Variants in SPAG16 observed in about 807,000 individuals in gnomAD.
SPAG16 encodes sperm-associated antigen 16 protein.
Under a neutral mutation model 80.4 loss-of-function variants are expected in SPAG16, and 86 were observed. That is an observed-to-expected ratio of 1.07 (90% CI 0.90 to 1.28). SPAG16 has a LOEUF of 1.28. SPAG16 is among the 50% of genes most tolerant of loss of function. The pLI is 0.00. For missense variants in SPAG16, 870 were observed against 765.3 expected, an observed-to-expected ratio of 1.14 and a Z score of -1.61; for synonymous variants, 294 against 265.9, an observed-to-expected ratio of 1.11 and a Z score of -1.03.
intron 10 of SPAG16, among the ~76,000 whole-genome samples, chr2:213,828,956 CACT>C (rs2073461022): frequency 6.6e-6 from 1 of 152,184 alleles, no homozygotes; most frequent in African/African-American, 2.4e-5. Context: ...TGGCTACCAC[CACT>C]GAGACTGCAC....
At chr2:213,446,030 T>C (rs1464192545) in intron 9 of SPAG16, among the ~76,000 whole-genome samples, 1 of 152,078 alleles carries the variant, frequency 6.6e-6, no homozygotes, top group East Asian at 1.9e-4. Context: ...GCCAATCAAC[T>C]AAATCCAACT....
At chr2:214,405,324 A>T (rs1488578836) in intron 15 of SPAG16, among the ~76,000 whole-genome samples, 1 of 152,086 alleles carries the variant, frequency 6.6e-6, no homozygotes, top group African/African-American at 2.4e-5. Context: ...ATGGAGTCTC[A>T]CTATGTTGTC....
At chr2:213,966,037 C>G (rs1465945770) in intron 12 of SPAG16, among the ~76,000 whole-genome samples, 1 of 152,152 alleles carries the variant, frequency 6.6e-6, no homozygotes, top group Non-Finnish European at 1.5e-5. Context: ...AGAAAGGAAG[C>G]CTGAGATCTG....
intron 15 of SPAG16, among the ~76,000 whole-genome samples, chr2:214,377,567 G>A (rs186278074): frequency 1.3e-5 from 2 of 152,178 alleles, no homozygotes; most frequent in East Asian, 3.9e-4. Flanking sequence ...ACAGTATTTA[G>A]GACATATAAC....
chr2:213,422,374 T>C, intron 9 of SPAG16: 1 of 673,684 alleles, frequency 1.5e-6, no homozygotes, highest in Non-Finnish European at 2.7e-6. Context: ...TGGAGCTGCC[T>C]GCCCCACTGC....
chr2:213,729,754 T>C (rs1485808113), intron 10 of SPAG16, among the ~76,000 whole-genome samples: 5 of 152,212 alleles, frequency 3.3e-5, no homozygotes, highest in Admixed American at 1.3e-4. Flanking sequence ...TATTTGGGAA[T>C]GGCAAGCAAA....
In SPAG16 at chr2:214,283,756, G is replaced by A. The variant is rs1463573763; in HGVS notation, c.1721-126384G>A. Among the ~76,000 whole-genome samples, 8 of 152,170 alleles carry A rather than the reference G, an allele frequency of 5.3e-5. No individual in the cohort carries two copies. The East Asian group carries it at 1.5e-3, about 29-fold the overall frequency. On this transcript the variant is annotated intron_variant, in intron 15 of 15. Transcript: ENST00000331683. ...CTGTTTAATGAGCAAATTGCTTTAA[G>A]TACACATATAACACTGCGGCATTAA...
chr2:214,157,978 C>T (rs1416432159), intron 15 of SPAG16, among the ~76,000 whole-genome samples: 1 of 151,912 alleles, frequency 6.6e-6, no homozygotes, highest in Admixed American at 6.6e-5. Flanking sequence ...TCAGAAACAT[C>T]GAGAAATTAT....
At chr2:213,640,225 T>C (rs1328891006) in intron 10 of SPAG16, among the ~76,000 whole-genome samples, 1 of 152,204 alleles carries the variant, frequency 6.6e-6, no homozygotes, top group African/African-American at 2.4e-5. Context: ...ATAATTGACC[T>C]TCTGAATTCT....
At chr2:213,309,290 T>C (rs1461167593) in intron 3 of SPAG16, among the ~76,000 whole-genome samples, 4 of 152,130 alleles carry the variant, frequency 2.6e-5, no homozygotes, top group Non-Finnish European at 5.9e-5. Flanking sequence ...ATGGGCATGC[T>C]GTGCTCTAAC....
At chr2:213,826,269 A>G (rs1395946116) in intron 10 of SPAG16, among the ~76,000 whole-genome samples, 2 of 149,304 alleles carry the variant, frequency 1.3e-5, no homozygotes, top group Non-Finnish European at 3.0e-5. Context: ...GATCTTTATT[A>G]TTTATTTTAT....
chr2:214,152,006 C>T (rs2055996862), intron 15 of SPAG16, among the ~76,000 whole-genome samples: 1 of 152,054 alleles, frequency 6.6e-6, no homozygotes, highest in Admixed American at 6.6e-5. Context: ...GTGAGGTGTA[C>T]TGTTTAAAAA....
At chr2:214,218,279 C>A (rs144193471) in intron 15 of SPAG16, among the ~76,000 whole-genome samples, 31 of 152,114 alleles carry the variant, frequency 2.0e-4, no homozygotes, top group African/African-American at 6.5e-4. Flanking sequence ...TCGAGGTCCC[C>A]TTAAACAGTC....
chr2:214,042,169 T>C (rs2049069905), intron 13 of SPAG16, among the ~76,000 whole-genome samples: 2 of 150,904 alleles, frequency 1.3e-5, no homozygotes, highest in Admixed American at 1.3e-4. Context: ...TACTGCAACC[T>C]CTATCTCCTG....
At chr2:214,211,943 T>C (rs1306818593) in intron 15 of SPAG16, among the ~76,000 whole-genome samples, 1 of 152,122 alleles carries the variant, frequency 6.6e-6, no homozygotes, top group Non-Finnish European at 1.5e-5. Flanking sequence ...GGCCTCCAAT[T>C]TACCACTCTA....
At chr2:214,297,351 T>C (rs1694209213) in intron 15 of SPAG16, among the ~76,000 whole-genome samples, 2 of 152,156 alleles carry the variant, frequency 1.3e-5, no homozygotes, top group South Asian at 4.1e-4. Flanking sequence ...TGCACTTGTT[T>C]TTGAGGTCTT....
At chr2:213,362,679 C>G (rs2066049816) in intron 7 of SPAG16, among the ~76,000 whole-genome samples, 1 of 152,152 alleles carries the variant, frequency 6.6e-6, no homozygotes, top group Non-Finnish European at 1.5e-5. Flanking sequence ...TAGGGCTATT[C>G]TGTAAAATAC....
At position 213,358,045 on chromosome 2, in the gene SPAG16, G is replaced by T. The variant is rs1357056226; in HGVS notation, c.763-6031G>T. On this transcript the variant is annotated intron_variant, in intron 7 of 15. Transcript: ENST00000331683. ...TAGTTTGGCTAGATATGAAATTCTGGGTTGAAAATTCTTTCCTTTAAGAGT... is the reference window on the plus strand; with the variant it reads ...TAGTTTGGCTAGATATGAAATTCTGTGTTGAAAATTCTTTCCTTTAAGAGT... 2.6e-5 allele frequency among the ~76,000 whole-genome samples: 4 copies of T among 152,072 alleles called. No homozygotes were observed. The East Asian group carries it at 5.8e-4, about 22-fold the overall frequency.
chr2:213,760,034 CAAAAAAAGAAA>C (rs2068568044), intron 10 of SPAG16, among the ~76,000 whole-genome samples: 1 of 146,232 alleles, frequency 6.8e-6, no homozygotes. Flanking sequence ...GACTCTGTCT[CAAAAAAAGAAA>C]AAAAAAAGAA....
Sources: gnomAD v4.1 joint callset for allele counts (sites outside exome capture counted in the v4.1 genomes callset) on GRCh38, gnomAD v4.1.1 for gene constraint, MANE v1.5 for transcripts, NCBI Gene and HGNC (gene_info 2026-07-23, HGNC 2026-07-21) for gene names.